ZBTB7C: variants seen among roughly 807,000 people sequenced by gnomAD.
ZBTB7C encodes zinc finger and BTB domain containing 7C, also known as zinc finger and BTB domain-containing protein 7C.
A neutral mutation model predicts 25.7 loss-of-function variants in ZBTB7C; 8 were observed. The observed-to-expected ratio is 0.31, with a 90% CI of 0.18 to 0.56. The LOEUF (loss-of-function observed/expected upper bound fraction) is 0.56, where lower values mean the gene tolerates loss of function less well. Ranked by LOEUF, ZBTB7C falls within the 20% of genes least tolerant of loss-of-function variation. The pLI, the probability that ZBTB7C is intolerant of heterozygous loss-of-function variation, is 0.91. For missense variants in ZBTB7C, 824 were observed against 855.2 expected (o/e 0.96, Z 0.46); for synonymous variants, 394 against 369.0 (o/e 1.07, Z -0.78).
At chr18:48,053,125 G>A (rs2036763357) in intron 3 of ZBTB7C, among the ~76,000 whole-genome samples, 1 of 152,214 alleles carries the variant, frequency 6.6e-6, no homozygotes, top group Admixed American at 6.5e-5. Context: ...CGACTCAACA[G>A]GTTGGTAAAA....
At chr18:48,129,680 G>C (rs760701563) in intron 3 of ZBTB7C, among the ~76,000 whole-genome samples, 1 of 152,192 alleles carries the variant, frequency 6.6e-6, no homozygotes, top group East Asian at 1.9e-4. Context: ...CTCCGGGCAC[G>C]GCACTGCATG....
chr18:48,409,668 G>T (rs1329126962), upstream of ZBTB7C, among the ~76,000 whole-genome samples: 1 of 152,036 alleles, frequency 6.6e-6, no homozygotes. Flanking sequence ...TGTGGCGAGT[G>T]GGCGGCGCGG....
At chr18:48,120,722 G>C (rs566185940) in intron 3 of ZBTB7C, among the ~76,000 whole-genome samples, 1 of 152,354 alleles carries the variant, frequency 6.6e-6, no homozygotes, top group South Asian at 2.1e-4. Flanking sequence ...AGGAGGGAAA[G>C]TGGGAAGCAA....
intron 3 of ZBTB7C, among the ~76,000 whole-genome samples, chr18:48,041,932 C>G (rs752507432): frequency 1.3e-5 from 2 of 151,966 alleles, no homozygotes; most frequent in African/African-American, 2.4e-5. Context: ...AAATATCAAC[C>G]CCTGTGGTGA....
At chr18:48,374,397 C>G (rs995687570) in intron 1 of ZBTB7C, 3 of 152,236 alleles carry the variant, frequency 2.0e-5, no homozygotes, top group Non-Finnish European at 4.4e-5. Context: ...CCCATCATCC[C>G]ACTGGGCTCT....
chr18:48,234,209 C>T (rs2043321817), intron 2 of ZBTB7C, among the ~76,000 whole-genome samples: 1 of 151,824 alleles, frequency 6.6e-6, no homozygotes, highest in Admixed American at 6.6e-5. Flanking sequence ...AAGCAGACTG[C>T]TTTCTCTCTG....
chr18:48,055,315 C>A (rs897046967), intron 3 of ZBTB7C, among the ~76,000 whole-genome samples: 2 of 147,630 alleles, frequency 1.4e-5, no homozygotes, highest in Non-Finnish European at 3.0e-5. Flanking sequence ...AAGGCTGAGG[C>A]AGGAGAATCG....
intron 2 of ZBTB7C, among the ~76,000 whole-genome samples, chr18:48,283,580 A>G (rs1177984005): frequency 2.0e-5 from 3 of 152,222 alleles, no homozygotes; most frequent in Admixed American, 6.5e-5. Flanking sequence ...TTAGACAGAC[A>G]TGAAGTTGAG....
At chr18:48,225,446 G>A (rs746894234) in intron 2 of ZBTB7C, among the ~76,000 whole-genome samples, 7 of 152,118 alleles carry the variant, frequency 4.6e-5, no homozygotes, top group Admixed American at 1.3e-4. Flanking sequence ...TGCCTGCTGC[G>A]TTACAGACAA....
At chr18:48,287,217 ATACT>A (rs2045084235) in intron 2 of ZBTB7C, among the ~76,000 whole-genome samples, 1 of 152,246 alleles carries the variant, frequency 6.6e-6, no homozygotes, top group Non-Finnish European at 1.5e-5. Context: ...ATGTTTACAA[ATACT>A]TAGTACTGAA....
intron 3 of ZBTB7C, chr18:48,137,180 G>T (rs1345369789): frequency 2.0e-6 from 2 of 985,370 alleles, no homozygotes; most frequent in Non-Finnish European, 2.4e-6. Context: ...GGTTTTGAGA[G>T]AGCACTCCCT....
At chr18:48,348,155 T>G in intron 1 of ZBTB7C, among the ~76,000 whole-genome samples, 1 of 152,240 alleles carries the variant, frequency 6.6e-6, no homozygotes, top group East Asian at 1.9e-4. Flanking sequence ...ACTTCCACTT[T>G]GCCACCTGCA....
chr18:48,069,843 A>T (rs2037476223), intron 3 of ZBTB7C, among the ~76,000 whole-genome samples: 1 of 152,176 alleles, frequency 6.6e-6, no homozygotes, highest in Non-Finnish European at 1.5e-5. Flanking sequence ...CAGAAAGAAG[A>T]TCTGATAACA....
chr18:48,272,483 AATCT>A lies in ZBTB7C; in HGVS notation c.-79+65687_-79+65690del, dbSNP rs1337332539. ...AGAGAAGACTCAATACTGAGGTGCT[AATCT>A]CCCAAAACCAATCTGGAAGCCAATT... On this transcript the variant is annotated intron_variant, in intron 2 of 4. Transcript: ENST00000590800. 2.0e-5 allele frequency among the ~76,000 whole-genome samples: 3 copies of A among 152,336 alleles called. No individual in the cohort carries two copies. The East Asian group carries it at 5.8e-4, about 29-fold the overall frequency.
At chr18:48,200,973 C>T (rs1303074811) in intron 2 of ZBTB7C, among the ~76,000 whole-genome samples, 1 of 152,184 alleles carries the variant, frequency 6.6e-6, no homozygotes, top group Non-Finnish European at 1.5e-5. Flanking sequence ...CCAGGCACCA[C>T]CCCCTTGGAG....
At chr18:48,304,830 A>G (rs1234643661) in intron 2 of ZBTB7C, among the ~76,000 whole-genome samples, 1 of 117,040 alleles carries the variant, frequency 8.5e-6, no homozygotes, top group Non-Finnish European at 1.7e-5. Flanking sequence ...AATGGGAGCC[A>G]GGCTCTACCT....
intron 2 of ZBTB7C, among the ~76,000 whole-genome samples, chr18:48,261,818 G>T (rs2044180273): frequency 6.6e-6 from 1 of 152,182 alleles, no homozygotes; most frequent in Admixed American, 6.5e-5. Context: ...AGGCATTTTG[G>T]GGATGTGAGC....
chr18:48,374,029 T>C (rs1413716463), intron 1 of ZBTB7C, among the ~76,000 whole-genome samples: 1 of 151,934 alleles, frequency 6.6e-6, no homozygotes, highest in African/African-American at 2.4e-5. Flanking sequence ...TCTCACCATG[T>C]GAAAAGTGCC....
chr18:48,177,825 G>C (rs550928838), intron 3 of ZBTB7C, among the ~76,000 whole-genome samples: 2 of 152,288 alleles, frequency 1.3e-5, no homozygotes, highest in African/African-American at 4.8e-5. Flanking sequence ...CCTCCTGTCA[G>C]CTCAGCCTGT....
Sources: gnomAD v4.1 joint callset for allele counts (sites outside exome capture counted in the v4.1 genomes callset) on GRCh38, gnomAD v4.1.1 for gene constraint, MANE v1.5 for transcripts, NCBI Gene and HGNC (gene_info 2026-07-23, HGNC 2026-07-21) for gene names.